OSBP2: variants seen among roughly 807,000 people sequenced by gnomAD.
OSBP2 encodes oxysterol binding protein 2, also known as oxysterol-binding protein 2.
Under a neutral mutation model 96.0 loss-of-function variants are expected in OSBP2, and 66 were observed. The observed-to-expected ratio is 0.69, with a 90% CI of 0.56 to 0.84. The LOEUF (loss-of-function observed/expected upper bound fraction) is 0.84, where lower values mean the gene tolerates loss of function less well. OSBP2 is among the 40% of genes least tolerant of loss of function. The pLI, the probability that OSBP2 is intolerant of heterozygous loss-of-function variation, is 0.00. For synonymous variants in OSBP2, 525 were observed against 520.9 expected (o/e 1.01, Z -0.11); for missense variants, 1,038 against 1,222.7 (o/e 0.85, Z 2.25).
chr22:30,870,435 C>A lies in OSBP2; in HGVS notation c.860C>A (p.Ser287Tyr). The part of the protein sequence containing the change: ...VRVMNTHSDD[S>Y]GDDDEATTPA... ...ACTCTATTTTCTTCCACAGATGACT[C>A]TGGGGACGACGACGAGGCTACCACC... Residue 287 changes from serine (S) to tyrosine (Y), a missense_variant, in exon 3 of 14, where the codon TCT (serine) becomes TAT (tyrosine). Physicochemically the swap from Ser to Tyr is moderately radical, Grantham distance 144 (BLOSUM62 -2). Coordinates refer to ENST00000332585, the MANE Select transcript of OSBP2 (RefSeq NM_030758.4). This position sits in a 1 kb window ranked among gnomAD's most constrained non-coding sequence, Gnocchi z 4.1. 6.2e-7 allele frequency: 1 copy of A among 1,613,862 alleles called. No individual in the cohort carries two copies. The highest frequency in any genetic ancestry group is 8.5e-7 in the Non-Finnish European group (1 of 1,180,008).
chr22:30,780,124 C>T (rs1602253227), intron 2 of OSBP2, among the ~76,000 whole-genome samples: 1 of 152,236 alleles, frequency 6.6e-6, no homozygotes, highest in East Asian at 1.9e-4. Context: ...GCTGAGTGTT[C>T]AGTCCTTGAG....
intron 1 of OSBP2, among the ~76,000 whole-genome samples, chr22:30,736,341 A>G (rs1332086809): frequency 6.6e-6 from 1 of 152,162 alleles, no homozygotes; most frequent in Non-Finnish European, 1.5e-5. Flanking sequence ...TCGCTCCCTC[A>G]GCCTCACCCA....
rs1390835573 is a variant in OSBP2, at chr22:30,905,744, G to A, written c.2376-93G>A. On this transcript the variant is annotated intron_variant, in intron 12 of 13. Transcript: ENST00000332585. ...GGGGAGCTGGAGGGTGAGGCGACCC[G>A]GGAGGAGACACCGCCAGGCAGGGGA... 9.3e-6 allele frequency: 13 copies of A among 1,398,180 alleles called. 1 individual carries two copies. The South Asian group carries it at 1.3e-4, about 14-fold the overall frequency. 86.6% of individuals were successfully genotyped at this position (1,398,180 alleles called of 1,614,324 possible).
intron 2 of OSBP2, among the ~76,000 whole-genome samples, chr22:30,800,617 A>T (rs1230654861): frequency 2.0e-5 from 3 of 152,108 alleles, no homozygotes; most frequent in Non-Finnish European, 4.4e-5. Context: ...TGCCAGAATG[A>T]GCATGTGTAG....
At chr22:30,731,589 G>A (rs1011470740) in intron 1 of OSBP2, 5 of 153,964 alleles carry the variant, frequency 3.2e-5, no homozygotes, top group African/African-American at 7.2e-5. Flanking sequence ...GGCGCACAAG[G>A]TTTGTGTCCA....
At chr22:30,895,708 G>T (rs1308474135) in intron 12 of OSBP2, among the ~76,000 whole-genome samples, 1 of 152,116 alleles carries the variant, frequency 6.6e-6, no homozygotes, top group African/African-American at 2.4e-5. Flanking sequence ...GGAGGCCGAG[G>T]CAAGCAGATC....
rs772797917 is a variant in OSBP2, at chr22:30,741,349, G to A, written c.833G>A (p.Arg278His). The change falls in exon 2 of 14, where the codon CGC (arginine) becomes CAC (histidine). Residue 278 changes from arginine to histidine, a missense_variant. This residue lies in a region of OSBP2 where 737 missense variants were observed against 913.3 expected (regional missense o/e 0.81). Transcript: ENST00000332585. ...ALELAKAKAVRVMNTHSDDSG... is the reference protein window; with the variant it reads ...ALELAKAKAVHVMNTHSDDSG... ...GAGCTGGCCAAGGCCAAGGCTGTCC[G>A]CGTGATGAACACTCATTCAGGTAGT... 26 of 1,610,354 alleles carry A rather than the reference G, an allele frequency of 1.6e-5. No individual in the cohort carries two copies. The highest frequency in any genetic ancestry group is 2.2e-5 in the East Asian group (1 of 44,876).
chr22:30,738,703 G>C (rs1306800990), intron 1 of OSBP2, among the ~76,000 whole-genome samples: 3 of 152,048 alleles, frequency 2.0e-5, no homozygotes, highest in East Asian at 1.9e-4. Context: ...TGGGACTACA[G>C]GTACCCGCCA....
At chr22:30,855,203 C>T (rs1165572737) in intron 2 of OSBP2, among the ~76,000 whole-genome samples, 2 of 152,126 alleles carry the variant, frequency 1.3e-5, no homozygotes, top group Non-Finnish European at 2.9e-5. Flanking sequence ...TCTTTTTCCC[C>T]TTCATTTTGG....
At chr22:30,847,492 G>C (rs943152543) in intron 2 of OSBP2, among the ~76,000 whole-genome samples, 3 of 152,084 alleles carry the variant, frequency 2.0e-5, no homozygotes, top group Non-Finnish European at 2.9e-5. Flanking sequence ...ATGTCGGCCA[G>C]GCTGGTCTCG....
Position 30,858,320 on chromosome 22 carries a change from G to A in OSBP2, c.854-12109G>A, listed in dbSNP as rs532942617. On this transcript the variant is annotated intron_variant, in intron 2 of 13. Coordinates refer to ENST00000332585, the MANE Select transcript of OSBP2 (RefSeq NM_030758.4). The stretch of plus-strand genomic sequence containing the variant: ...CGCCACCGCGCCCGGCTAATTTTTT[G>A]TATTTTTAGTAGAGACGGGGTTTCA... Among the ~76,000 whole-genome samples the A allele has an allele frequency of 1.1e-4, 17 of 150,310 alleles. 1 individual carries two copies. In the South Asian group the frequency reaches 3.0e-3, roughly 27 times the overall value.
At chr22:30,808,986 A>G (rs1602294659) in intron 2 of OSBP2, among the ~76,000 whole-genome samples, 4 of 152,296 alleles carry the variant, frequency 2.6e-5, no homozygotes, top group Middle Eastern at 6.8e-3. Flanking sequence ...ACACACACAC[A>G]GAGGAGACCA....
At chr22:30,717,183 T>G (rs1234164931) in intron 1 of OSBP2, among the ~76,000 whole-genome samples, 1 of 150,394 alleles carries the variant, frequency 6.6e-6, no homozygotes, top group Non-Finnish European at 1.5e-5. Context: ...ACTCCTGGCC[T>G]CAAGTGATTC....
At chr22:30,694,297 C>G (rs769815920), upstream of OSBP2, 1 of 1,549,388 alleles carries the variant, frequency 6.5e-7, no homozygotes, top group South Asian at 1.2e-5. Context: ...GTGAGGCGGC[C>G]ACTTGGGGCC....
chr22:30,747,200 G>A (rs1054090614), intron 2 of OSBP2, among the ~76,000 whole-genome samples: 1 of 152,210 alleles, frequency 6.6e-6, no homozygotes, highest in Admixed American at 6.5e-5. Flanking sequence ...CTAGTGGTTT[G>A]TAGGAACTAG....
intron 2 of OSBP2, among the ~76,000 whole-genome samples, chr22:30,814,880 G>C (rs2091062577): frequency 6.6e-6 from 1 of 152,196 alleles, no homozygotes; most frequent in Non-Finnish European, 1.5e-5. Context: ...GCTCAGAGAG[G>C]CTTCTGTACT....
At chr22:30,854,883 C>T (rs925113956) in intron 2 of OSBP2, among the ~76,000 whole-genome samples, 1 of 152,142 alleles carries the variant, frequency 6.6e-6, no homozygotes, top group Non-Finnish European at 1.5e-5. Context: ...CTGGGGAGGC[C>T]TCAAGAAACT....
Position 30,796,038 on chromosome 22 carries a change from C to T in OSBP2, c.853+54669C>T, listed in dbSNP as rs527346475. Among the ~76,000 whole-genome samples, 3 of 152,334 alleles carry T rather than the reference C, an allele frequency of 2.0e-5. No homozygotes were observed. The South Asian group carries it at 6.2e-4, about 32-fold the overall frequency. ...TAGATATGCCAAGTGGTTTCTCTCA[C>T]TGGTTCTTGACATTTCAGCCATCTG... is the stretch of plus-strand genomic sequence containing the variant. On this transcript the variant is annotated intron_variant, in intron 2 of 13. Transcript: ENST00000332585.
At chr22:30,856,403 T>TTTTTTTTTTG (rs2039080181) in intron 2 of OSBP2, among the ~76,000 whole-genome samples, 1 of 106,122 alleles carries the variant, frequency 9.4e-6, no homozygotes, top group Non-Finnish European at 1.8e-5. Flanking sequence ...TTTTTTTTTT[T>TTTTTTTTTTG]GGAGACAGGG....
Sources: gnomAD v4.1 joint callset for allele counts (sites outside exome capture counted in the v4.1 genomes callset) on GRCh38, gnomAD v4.1.1 for gene constraint, gnomAD v4.1.1 regional missense constraint, Gnocchi (gnomAD v3.1) non-coding constraint, MANE v1.5 for transcripts, NCBI Gene and HGNC (gene_info 2026-07-23, HGNC 2026-07-21) for gene names.